DHX30: variants seen among roughly 807,000 people sequenced by gnomAD.
The protein encoded by DHX30 is DExH-box helicase 30.
DHX30 carries 4 observed loss-of-function variants against 116.9 expected under a neutral mutation model. That is an observed-to-expected ratio of 0.03 (90% CI 0.02 to 0.08). The LOEUF (loss-of-function observed/expected upper bound fraction) is 0.08. Among genes scored for constraint, DHX30 ranks in the 10% least tolerant of loss-of-function variants. The pLI, the probability that DHX30 is intolerant of heterozygous loss-of-function variation, is 1.00. For synonymous variants in DHX30, 697 were observed against 651.7 expected (o/e 1.07, Z -1.06); for missense variants, 871 against 1,595.1 (o/e 0.55, Z 7.73).
Position 47,848,571 on chromosome 3 carries a change from G to T in DHX30, c.2575+21G>T. ...GATCGGTATGTAGGGGCTGGGCTGGGCTGGGCTGGGGAGTGGCTCTCGAGG... is the reference window on the plus strand; with the variant it reads ...GATCGGTATGTAGGGGCTGGGCTGGTCTGGGCTGGGGAGTGGCTCTCGAGG... On this transcript the variant is annotated intron_variant, in intron 16 of 21. Transcript: ENST00000445061. This position sits in a 1 kb window ranked among gnomAD's most constrained non-coding sequence, Gnocchi z 9.4. The T allele has an allele frequency of 1.9e-6, 3 of 1,613,960 alleles. No individual in the cohort carries two copies. Among genetic ancestry groups the T allele is most frequent in the South Asian group, 2.2e-5 (2 of 91,076 alleles).
chr3:47,822,550 G>C (rs565229591), intron 4 of DHX30, among the ~76,000 whole-genome samples: 9 of 152,194 alleles, frequency 5.9e-5, no homozygotes, highest in Non-Finnish European at 1.0e-4. Context: ...ACTTTGGGAG[G>C]CCGAGGTGGG....
intron 1 of DHX30, among the ~76,000 whole-genome samples, chr3:47,804,486 C>T (rs1202857724): frequency 6.6e-6 from 1 of 152,156 alleles, no homozygotes; most frequent in Admixed American, 6.6e-5. Context: ...ACCCAGGAGG[C>T]CGAGGTTGCA....
chr3:47,813,695 T>C (rs1050971879), intron 3 of DHX30, among the ~76,000 whole-genome samples: 2 of 152,104 alleles, frequency 1.3e-5, no homozygotes, highest in East Asian at 1.9e-4. Context: ...GTGTCTTCTC[T>C]CTCTCTAAGT....
At chr3:47,812,727 G>A (rs1398151170) in intron 3 of DHX30, among the ~76,000 whole-genome samples, 2 of 148,126 alleles carry the variant, frequency 1.4e-5, no homozygotes, top group Non-Finnish European at 3.0e-5. Flanking sequence ...GCAGTGGCAC[G>A]AGCTTGGCTC....
chr3:47,845,528 A>T, intron 9 of DHX30, 172 bp from the exon 10 acceptor site: 1 of 674,666 alleles, frequency 1.5e-6, no homozygotes, highest in Non-Finnish European at 2.2e-6. Flanking sequence ...TTATTTTGGT[A>T]AGTTAACATT....
At chr3:47,808,392 A>G (rs1216111466) in intron 2 of DHX30, among the ~76,000 whole-genome samples, 1 of 149,434 alleles carries the variant, frequency 6.7e-6, no homozygotes, top group Non-Finnish European at 1.5e-5. Flanking sequence ...AATTCTGAAA[A>G]TTTTTTTTAG....
intron 3 of DHX30, among the ~76,000 whole-genome samples, chr3:47,815,723 C>CAAAAAAAAAAA (rs11349970): frequency 4.8e-4 from 10 of 20,760 alleles, no homozygotes; most frequent in Admixed American, 7.7e-4. Flanking sequence ...TAAAAAAGAG[C>CAAAAAAAAAAA]AAAAAAAAAA....
intron 6 of DHX30, among the ~76,000 whole-genome samples, chr3:47,829,950 G>T (rs1345535569): frequency 6.6e-6 from 1 of 151,252 alleles, no homozygotes; most frequent in East Asian, 2.0e-4. Flanking sequence ...TCCTGCCTCA[G>T]CCTCCCAAGT....
intron 4 of DHX30, chr3:47,825,143 T>G: frequency 1.5e-6 from 1 of 673,750 alleles, no homozygotes; most frequent in Non-Finnish European, 2.7e-6. Context: ...TCGCGCGGCT[T>G]CTCTTCAAGC....
chr3:47,808,799 C>T (rs2035649821), intron 2 of DHX30, among the ~76,000 whole-genome samples: 1 of 151,894 alleles, frequency 6.6e-6, no homozygotes, highest in South Asian at 2.1e-4. Context: ...TGGTCTCGAA[C>T]TTCTGACCTC....
intron 5 of DHX30, among the ~76,000 whole-genome samples, chr3:47,828,595 T>C (rs969492408): frequency 4.6e-5 from 7 of 151,020 alleles, no homozygotes; most frequent in Non-Finnish European, 8.8e-5. Context: ...CATAGTGAAA[T>C]CCCGTCTCTA....
At chr3:47,818,560 C>T (rs1279281011) in intron 4 of DHX30, among the ~76,000 whole-genome samples, 1 of 152,192 alleles carries the variant, frequency 6.6e-6, no homozygotes, top group African/African-American at 2.4e-5. Flanking sequence ...AGATCACTTT[C>T]CTGTCTCCCA....
Position 47,805,335 on chromosome 3 carries a change from C to G in DHX30, c.-113C>G, listed in dbSNP as rs1227951973. On this transcript the variant is annotated 5_prime_UTR_variant, in exon 2 of 22. Coordinates refer to ENST00000445061, the MANE Select transcript of DHX30 (RefSeq NM_138615.3). ...GCGTTGTACTTCTCAGGAGGAGGCC[C>G]AGCCTCGTGATGAGGAATAGCAAGG... The G allele has an allele frequency of 2.5e-6, 1 of 398,944 alleles. No homozygotes were observed. The highest frequency in any genetic ancestry group is 4.4e-6 in the Non-Finnish European group (1 of 226,082). 24.7% of individuals were successfully genotyped at this position (398,944 alleles called of 1,614,324 possible). A position where few individuals can be genotyped will look rare whatever the true frequency, so the allele number is the denominator to read the frequency against.
chr3:47,848,977 G>A lies in DHX30; in HGVS notation c.2827G>A (p.Val943Ile). ...TGACCACCTGGCCTTTGTGCGGGCT[G>A]TCGCCGGCTGGGAGGAGGTGCTGCG... ...GSDHLAFVRAVAGWEEVLRWQ... is the reference protein window; with the variant it reads ...GSDHLAFVRAIAGWEEVLRWQ... The change falls in exon 18 of 22, where the codon GTC (valine) becomes ATC (isoleucine). Residue 943 changes from valine to isoleucine, a missense_variant. Physicochemically the swap from Val to Ile is conservative, Grantham distance 29. Transcript: ENST00000445061. This position sits in a 1 kb window ranked among gnomAD's most constrained non-coding sequence, Gnocchi z 9.4. 2 of 1,613,450 alleles carry A rather than the reference G, an allele frequency of 1.2e-6. No homozygotes were observed. The highest frequency in any genetic ancestry group is 1.3e-5 in the African/African-American group (1 of 75,046).
At chr3:47,807,982 C>G (rs1051423098) in intron 2 of DHX30, among the ~76,000 whole-genome samples, 2 of 152,014 alleles carry the variant, frequency 1.3e-5, no homozygotes, top group African/African-American at 4.8e-5. Flanking sequence ...GCAATCTCAT[C>G]TCACTGGAAC....
chr3:47,842,653 G>A (rs1355985745), intron 8 of DHX30: 3 of 152,824 alleles, frequency 2.0e-5, no homozygotes, highest in South Asian at 2.1e-4. Context: ...TTTGGCCGCC[G>A]GCTTAATAAA....
intron 6 of DHX30, among the ~76,000 whole-genome samples, chr3:47,834,727 T>C (rs1367072237): frequency 6.6e-6 from 1 of 152,210 alleles, no homozygotes; most frequent in Non-Finnish European, 1.5e-5. Flanking sequence ...CCCAAAGTGC[T>C]GGGATTACAG....
Position 47,849,708 on chromosome 3 carries a change from C to T in DHX30, c.3270C>T (p.Asp1090=). The part of the protein sequence containing the change: ...VKSNGSVFVR[D]SSQVHPLAVL... ...CCAATGGCAGCGTCTTCGTCCGGGA[C>T]TCCTCTCAGGTGCACCCGCTAGCTG... Residue 1090 remains aspartate (D), a synonymous_variant, in exon 21 of 22, where the codon GAC becomes GAT. Transcript: ENST00000445061. 3 of 1,614,154 alleles carry T rather than the reference C, an allele frequency of 1.9e-6. No homozygotes were observed. The highest frequency in any genetic ancestry group is 4.5e-5 in the East Asian group (2 of 44,892).
At chr3:47,803,640 G>A (rs908976863) in intron 1 of DHX30, among the ~76,000 whole-genome samples, 1 of 152,206 alleles carries the variant, frequency 6.6e-6, no homozygotes, top group Non-Finnish European at 1.5e-5. Flanking sequence ...GGTGCTGCCC[G>A]GACCGTTCGT....
Sources: allele counts gnomAD v4.1 joint callset (sites outside exome capture counted in the v4.1 genomes callset), GRCh38; gene constraint gnomAD v4.1.1; non-coding constraint Gnocchi (gnomAD v3.1); transcripts MANE v1.5; gene names NCBI Gene and HGNC (gene_info 2026-07-23, HGNC 2026-07-21).